The following PTPRO variants were observed in gnomAD, a reference collection of about 807,000 sequenced individuals.
PTPRO encodes receptor-type tyrosine-protein phosphatase O.
In PTPRO, 62 loss-of-function variants were observed where a neutral mutation model predicts 145.2. The observed-to-expected ratio is 0.43, with a 90% CI of 0.35 to 0.53. The LOEUF is 0.53. PTPRO is among the 20% of genes least tolerant of loss of function. The pLI, the probability that PTPRO is intolerant of heterozygous loss-of-function variation, is 0.01. For synonymous variants in PTPRO, 565 were observed against 514.7 expected (o/e 1.10, Z -1.32); for missense variants, 1,345 against 1,482.7 (o/e 0.91, Z 1.53).
chr12:15,544,503 T>A (rs9645735), intron 12 of PTPRO, among the ~76,000 whole-genome samples: 3 of 114,022 alleles, frequency 2.6e-5, no homozygotes, highest in South Asian at 2.8e-4. Context: ...CGAGACTCCA[T>A]CTCAAAAAAA....
At chr12:15,556,441 T>C (rs895459312) in intron 15 of PTPRO, among the ~76,000 whole-genome samples, 26 of 152,122 alleles carry the variant, frequency 1.7e-4, no homozygotes, top group African/African-American at 6.3e-4. Context: ...TGAGCTGTTA[T>C]TCATGCATGA....
chr12:15,393,838 T>G (rs758155303), intron 1 of PTPRO, among the ~76,000 whole-genome samples: 6 of 152,132 alleles, frequency 3.9e-5, no homozygotes, highest in African/African-American at 1.2e-4. Flanking sequence ...TCTTACAATT[T>G]TAGAAGCTAG....
chr12:15,352,941 C>T (rs913417111), intron 1 of PTPRO, among the ~76,000 whole-genome samples: 1 of 152,134 alleles, frequency 6.6e-6, no homozygotes, highest in African/African-American at 2.4e-5. Context: ...GTCAATATAT[C>T]ATGCAGTAGA....
intron 2 of PTPRO, among the ~76,000 whole-genome samples, chr12:15,488,887 C>T (rs1660157590): frequency 6.6e-6 from 1 of 152,080 alleles, no homozygotes; most frequent in Admixed American, 6.6e-5. Flanking sequence ...AGTTTCTCAG[C>T]ACGTAAAAGG....
At chr12:15,435,448 A>T (rs1356577471) in intron 1 of PTPRO, among the ~76,000 whole-genome samples, 1 of 152,176 alleles carries the variant, frequency 6.6e-6, no homozygotes, top group Non-Finnish European at 1.5e-5. Flanking sequence ...CTTATTTATT[A>T]ATGTCAACAG....
intron 6 of PTPRO, among the ~76,000 whole-genome samples, chr12:15,506,667 A>G (rs536760714): frequency 3.3e-5 from 5 of 152,142 alleles, no homozygotes; most frequent in South Asian, 4.1e-4. Context: ...TGAGAACAGC[A>G]TAGGGGAAAC....
chr12:15,536,838 A>T (rs933486842), intron 12 of PTPRO, among the ~76,000 whole-genome samples: 4 of 152,202 alleles, frequency 2.6e-5, no homozygotes, highest in African/African-American at 9.6e-5. Flanking sequence ...GACATTTTTG[A>T]TAAATTACAT....
intron 1 of PTPRO, among the ~76,000 whole-genome samples, chr12:15,455,682 A>G (rs1475275291): frequency 6.6e-6 from 1 of 152,134 alleles, no homozygotes; most frequent in African/African-American, 2.4e-5. Context: ...TTAGAAATGC[A>G]GCTGATTTTG....
intron 1 of PTPRO, among the ~76,000 whole-genome samples, chr12:15,415,117 T>C (rs548308731): frequency 3.3e-5 from 5 of 152,236 alleles, no homozygotes; most frequent in African/African-American, 1.2e-4. Flanking sequence ...CACTGAGAGA[T>C]GGGACAGAGA....
intron 1 of PTPRO, among the ~76,000 whole-genome samples, chr12:15,450,386 G>T (rs1941014260): frequency 6.6e-6 from 1 of 152,144 alleles, no homozygotes. Flanking sequence ...TTCATCCTGT[G>T]TTGGCCAAAA....
At chr12:15,390,612 G>T (rs1331662790) in intron 1 of PTPRO, among the ~76,000 whole-genome samples, 1 of 151,960 alleles carries the variant, frequency 6.6e-6, no homozygotes, top group Non-Finnish European at 1.5e-5. Context: ...ATATCACATG[G>T]GTATCCCACA....
At chr12:15,447,607 T>C (rs986571566) in intron 1 of PTPRO, among the ~76,000 whole-genome samples, 2 of 152,108 alleles carry the variant, frequency 1.3e-5, no homozygotes, top group African/African-American at 4.8e-5. Flanking sequence ...AGACAACTAG[T>C]GAATTCCTGG....
chr12:15,426,357 T>G (rs888294648), intron 1 of PTPRO, among the ~76,000 whole-genome samples: 2 of 152,070 alleles, frequency 1.3e-5, no homozygotes, highest in Non-Finnish European at 2.9e-5. Flanking sequence ...CCGTGAAAAT[T>G]GTTAGCTTTA....
At chr12:15,493,369 G>GA (rs1377771415) in intron 2 of PTPRO, among the ~76,000 whole-genome samples, 2 of 151,890 alleles carry the variant, frequency 1.3e-5, no homozygotes, top group Non-Finnish European at 1.5e-5. Flanking sequence ...ATTTCAGCAA[G>GA]AAAAAAGGTG....
chr12:15,327,093 C>G (rs1367359180), intron 1 of PTPRO, among the ~76,000 whole-genome samples: 1 of 152,094 alleles, frequency 6.6e-6, no homozygotes, highest in Non-Finnish European at 1.5e-5. Flanking sequence ...GTGAACACAT[C>G]TTTAAGGAAA....
At chr12:15,539,834 T>C (rs1038438530) in intron 12 of PTPRO, among the ~76,000 whole-genome samples, 1 of 146,498 alleles carries the variant, frequency 6.8e-6, no homozygotes, top group Admixed American at 6.8e-5. Context: ...CAGACATTTC[T>C]AACTCCTGAG....
intron 16 of PTPRO, 53 bp downstream of exon 16, chr12:15,557,576 C>T: frequency 6.5e-7 from 1 of 1,529,836 alleles, no homozygotes; most frequent in Non-Finnish European, 9.1e-7. Context: ...GCTGTGTGTG[C>T]TCCAAAGTCG....
chr12:15,448,358 A>AAAAAAAAAAAAAAAAAAAAG (rs1940960429), intron 1 of PTPRO, among the ~76,000 whole-genome samples: 1 of 149,790 alleles, frequency 6.7e-6, no homozygotes, highest in African/African-American at 2.4e-5. Context: ...AAAAAAAAAA[A>AAAAAAAAAAAAAAAAAAAAG]AAGCACCGAT....
At chr12:15,355,414 T>C (rs1177353859) in intron 1 of PTPRO, among the ~76,000 whole-genome samples, 2 of 152,142 alleles carry the variant, frequency 1.3e-5, no homozygotes, top group African/African-American at 4.8e-5. Flanking sequence ...AAATTTTCCC[T>C]CTCTACACTG....
Sources: allele counts gnomAD v4.1 joint callset (sites outside exome capture counted in the v4.1 genomes callset), GRCh38; gene constraint gnomAD v4.1.1; transcripts MANE v1.5; gene names NCBI Gene and HGNC (gene_info 2026-07-23, HGNC 2026-07-21).